The following ECT2 variants were observed in gnomAD, a reference collection of about 807,000 sequenced individuals.
ECT2 encodes the protein epithelial cell transforming 2, also known as protein ECT2.
ECT2 carries 61 observed loss-of-function variants against 116.9 expected under a neutral mutation model. The ratio of observed to expected loss-of-function variants is 0.52; its 90% CI spans 0.42 to 0.65. ECT2 has a LOEUF of 0.65. Ranked by LOEUF, ECT2 falls within the 30% of genes least tolerant of loss-of-function variation. The pLI, the probability that ECT2 is intolerant of heterozygous loss-of-function variation, is 0.00. For missense variants in ECT2, 937 were observed against 1,078.7 expected, an observed-to-expected ratio of 0.87 and a Z score of 1.84; for synonymous variants, 358 against 346.4, an observed-to-expected ratio of 1.03 and a Z score of -0.37.
At chr3:172,756,297 A>T (rs939865) in intron 4 of ECT2, among the ~76,000 whole-genome samples, 1 of 151,998 alleles carries the variant, frequency 6.6e-6, no homozygotes, top group South Asian at 2.1e-4. Flanking sequence ...AGTTAAAAAA[A>T]AATTTTTTTT....
At chr3:172,791,424 G>A (rs922517449) in intron 18 of ECT2, among the ~76,000 whole-genome samples, 1 of 152,190 alleles carries the variant, frequency 6.6e-6, no homozygotes, top group African/African-American at 2.4e-5. Flanking sequence ...CTGGAAGGCT[G>A]TTTTGTCTAC....
intron 11 of ECT2, among the ~76,000 whole-genome samples, chr3:172,763,943 A>G (rs1410293100): frequency 6.6e-6 from 1 of 152,210 alleles, no homozygotes; most frequent in Non-Finnish European, 1.5e-5. Context: ...GTGTCCAGGC[A>G]CTGTGCTAGG....
At position 172,802,701 on chromosome 3, in the gene ECT2, ATTC is replaced by A. The variant is rs1726941856; in HGVS notation, c.1986+13_1986+15del. 4.4e-6 allele frequency: 7 copies of A among 1,578,004 alleles called. No individual in the cohort carries two copies. Among genetic ancestry groups the A allele is most frequent in the African/African-American group, 1.4e-5 (1 of 72,978 alleles). ...TGAAGTAGATGGATGCCCAGTAAGT[ATTC>A]TTCTTTAACAATTATTAATTTATTT... On this transcript the variant is annotated splice_region_variant and intron_variant, in intron 19 of 24. Coordinates refer to ENST00000392692, the MANE Select transcript of ECT2 (RefSeq NM_001258315.2).
intron 22 of ECT2, among the ~76,000 whole-genome samples, chr3:172,810,927 T>C (rs966065681): frequency 6.6e-6 from 1 of 152,298 alleles, no homozygotes; most frequent in African/African-American, 2.4e-5. Context: ...CATGTGAATT[T>C]GGAGTTGATT....
intron 13 of ECT2, among the ~76,000 whole-genome samples, chr3:172,773,608 A>G (rs1721065933): frequency 1.3e-5 from 2 of 152,222 alleles, no homozygotes; most frequent in South Asian, 4.1e-4. Context: ...AAAAGTAGAA[A>G]TTACTCTTGT....
intron 13 of ECT2, among the ~76,000 whole-genome samples, chr3:172,769,563 T>G (rs1339488748): frequency 6.6e-6 from 1 of 152,180 alleles, no homozygotes; most frequent in South Asian, 2.1e-4. Flanking sequence ...CAATGAAGCA[T>G]AACAGTGTTG....
chr3:172,809,854 C>A (rs1728452394), intron 22 of ECT2, among the ~76,000 whole-genome samples: 1 of 152,074 alleles, frequency 6.6e-6, no homozygotes, highest in Admixed American at 6.6e-5. Flanking sequence ...TAATCTGATA[C>A]CATTAAGTTT....
chr3:172,758,149 C>T (rs1194699640), intron 5 of ECT2, among the ~76,000 whole-genome samples: 2 of 152,098 alleles, frequency 1.3e-5, no homozygotes, highest in African/African-American at 2.4e-5. Flanking sequence ...CATGAGCCAC[C>T]GTGCCCCGCT....
chr3:172,816,812 G>A lies in ECT2; in HGVS notation c.2630G>A (p.Arg877His), dbSNP rs771541610. The change falls in exon 24 of 25, where the codon CGT becomes CAT. Residue 877 changes from arginine to histidine, a missense_variant. Coordinates refer to ENST00000392692, the MANE Select transcript of ECT2 (RefSeq NM_001258315.2). ...PSSNDKHVMS[R>H]LSSTSSLAGI... ...AGCAATGATAAGCATGTAATGAGTCGTCTTTCTAGCACATCATCATTAGCA... is the reference window on the plus strand; with the variant it reads ...AGCAATGATAAGCATGTAATGAGTCATCTTTCTAGCACATCATCATTAGCA... The A allele has an allele frequency of 5.6e-6, 9 of 1,602,612 alleles. No homozygotes were observed. The highest frequency in any genetic ancestry group is 4.5e-5 in the East Asian group (2 of 44,744).
At position 172,773,836 on chromosome 3, in the gene ECT2, ACTGT is replaced by A. The variant is rs1340521382; in HGVS notation, c.1429-64_1429-61del. On this transcript the variant is annotated intron_variant, in intron 13 of 24. Transcript: ENST00000392692. Reference sequence around the variant, plus strand: ...ATTAATATCTTGTGTCTCCTTTATCACTGTCTATCTTTTAGCTCTTTTCTTTTTC... The same window carrying A: ...ATTAATATCTTGTGTCTCCTTTATCACTATCTTTTAGCTCTTTTCTTTTTC... 17 of 1,477,980 alleles carry A rather than the reference ACTGT, an allele frequency of 1.2e-5. No individual in the cohort carries two copies. The African/African-American group carries it at 1.8e-4, about 16-fold the overall frequency. The allele number at this position is 1,477,980 out of a possible 1,614,324, so 91.6% of individuals were successfully genotyped here.
chr3:172,788,655 T>C (rs1724040821), intron 18 of ECT2, among the ~76,000 whole-genome samples: 1 of 152,342 alleles, frequency 6.6e-6, no homozygotes, highest in South Asian at 2.1e-4. Flanking sequence ...AATTTTTTCA[T>C]TTCTCAGGGC....
intron 15 of ECT2, 145 bp from the exon 16 acceptor site, chr3:172,783,654 G>A: frequency 1.8e-6 from 1 of 563,764 alleles, no homozygotes; most frequent in East Asian, 3.6e-5. Context: ...TATAAAATAA[G>A]TTTGTTCTCA....
At chr3:172,808,390 A>T (rs1728151539) in intron 22 of ECT2, among the ~76,000 whole-genome samples, 1 of 152,006 alleles carries the variant, frequency 6.6e-6, no homozygotes, top group African/African-American at 2.4e-5. Flanking sequence ...AAAAAAAAAA[A>T]TCTTATTGAA....
chr3:172,764,435 A>C lies in ECT2; in HGVS notation c.1226A>C (p.His409Pro), dbSNP rs977493938. 2.5e-6 allele frequency: 4 copies of C among 1,614,066 alleles called. No individual in the cohort carries two copies. Among genetic ancestry groups the C allele is most frequent in the Non-Finnish European group, 3.4e-6 (4 of 1,180,008 alleles). ...FPPRKRPSAE[H>P]SLSIGSLLDI... Reference sequence around the variant, plus strand: ...CCCCGTAAGCGCCCATCAGCTGAGCATTCCCTTTCCATAGGGTCACTCCTA... The same window carrying C: ...CCCCGTAAGCGCCCATCAGCTGAGCCTTCCCTTTCCATAGGGTCACTCCTA... The change falls in exon 12 of 25, where the codon CAT becomes CCT. Residue 409 changes from histidine (H) to proline (P), a missense_variant. Transcript: ENST00000392692.
At chr3:172,765,782 A>G (rs1016550552) in intron 12 of ECT2, among the ~76,000 whole-genome samples, 2 of 152,116 alleles carry the variant, frequency 1.3e-5, no homozygotes, top group Admixed American at 6.5e-5. Context: ...CATCTGCCTA[A>G]TCTCATGTGG....
chr3:172,773,807 C>G (rs1459031024), intron 13 of ECT2, 96 bp from the exon 14 acceptor site: 10 of 1,225,572 alleles, frequency 8.2e-6, no homozygotes, highest in Non-Finnish European at 1.1e-5. Context: ...TTACTTCCTT[C>G]TCTATTAATA....
intron 18 of ECT2, among the ~76,000 whole-genome samples, chr3:172,799,451 A>G (rs1012852970): frequency 6.6e-6 from 1 of 152,204 alleles, no homozygotes; most frequent in Non-Finnish European, 1.5e-5. Context: ...ACCCCTCTTG[A>G]TGCCTATCTT....
chr3:172,776,866 C>T (rs984057528), intron 14 of ECT2, among the ~76,000 whole-genome samples: 1 of 149,602 alleles, frequency 6.7e-6, no homozygotes, highest in Non-Finnish European at 1.5e-5. Flanking sequence ...GTGGAAAAAA[C>T]GGGTTTGTTT....
Position 172,807,770 on chromosome 3 carries a change from A to G in ECT2, c.2246A>G (p.Asp749Gly), listed in dbSNP as rs533896795. 6.2e-7 allele frequency: 1 copy of G among 1,610,260 alleles called. No homozygotes were observed. Among genetic ancestry groups the G allele is most frequent in the Non-Finnish European group, 8.5e-7 (1 of 1,177,964 alleles). The change falls in exon 22 of 25, where the codon GAT becomes GGT. Residue 749 changes from aspartate to glycine, a missense_variant and splice_region_variant. Asp to Gly is a moderately conservative substitution (Grantham distance 94). Coordinates refer to ENST00000392692, the MANE Select transcript of ECT2 (RefSeq NM_001258315.2). ...GTTTATGGTTATTCTGGAACCCTAG[A>G]TTGCCATAATGCTTTTGCCTTGCTT... ...KKVLDIRETEDCHNAFALLVR... is the reference protein window; with the variant it reads ...KKVLDIRETEGCHNAFALLVR...
Sources: allele counts gnomAD v4.1 joint callset (sites outside exome capture counted in the v4.1 genomes callset), GRCh38; gene constraint gnomAD v4.1.1; transcripts MANE v1.5; gene names NCBI Gene and HGNC (gene_info 2026-07-23, HGNC 2026-07-21).